The following SOHLH1 variants were observed in gnomAD, a reference collection of about 807,000 sequenced individuals.
SOHLH1 encodes spermatogenesis and oogenesis specific basic helix-loop-helix 1.
In SOHLH1, 23 loss-of-function variants were observed where a neutral mutation model predicts 36.2. That is an observed-to-expected ratio of 0.64 (90% CI 0.46 to 0.90). The LOEUF (loss-of-function observed/expected upper bound fraction) is 0.90. Ranked by LOEUF, SOHLH1 falls within the 40% of genes least tolerant of loss-of-function variation. The pLI is 0.00. For missense variants in SOHLH1, 608 were observed against 517.0 expected (o/e 1.18, Z -1.71); for synonymous variants, 289 against 228.3 (o/e 1.27, Z -2.40).
In SOHLH1 at chr9:135,697,556, C is replaced by T. The variant is rs771180035; in HGVS notation, c.417G>A (p.Gln139=). ...EDVLQLTLSS[Q]IQAGVPDPGT... is the part of the protein sequence containing the mutation. ...CAGGGTCTGGCACACCTGCTTGAAT[C>T]TGACTCGACAACGTCAACTGTAAAA... The change falls in exon 4 of 8, where the codon CAG becomes CAA. Residue 139 remains glutamine (Q), a synonymous_variant. Transcript: ENST00000425225. 5.0e-6 allele frequency: 8 copies of T among 1,612,656 alleles called. No individual in the cohort carries two copies. In the African/African-American group the frequency reaches 5.3e-5, roughly 11 times the overall value.
chr9:135,698,204 C>G, intron 3 of SOHLH1, 125 bp downstream of exon 3: 2 of 1,364,476 alleles, frequency 1.5e-6, no homozygotes, highest in Non-Finnish European at 2.1e-6. Flanking sequence ...GTGGCCTGCT[C>G]TAGCCGTGGA....
chr9:135,697,913 A>G (rs1405607535), intron 3 of SOHLH1, among the ~76,000 whole-genome samples: 1 of 152,026 alleles, frequency 6.6e-6, no homozygotes, highest in Admixed American at 6.5e-5. Context: ...ACAGGTCCTC[A>G]GCCCCAGCAC....
In SOHLH1 at chr9:135,696,794, A is replaced by C; in HGVS notation, c.479T>G (p.Val160Gly). The C allele has an allele frequency of 6.2e-7, 1 of 1,612,954 alleles. No homozygotes were observed. Among genetic ancestry groups the C allele is most frequent in the Non-Finnish European group, 8.5e-7 (1 of 1,179,980 alleles). ...GASSGTRTPD[V>G]KAFLESPWSL... The stretch of plus-strand genomic sequence containing the variant: ...CCAAGGACTTTCCAGAAACGCCTTC[A>C]CATCTGGGGTTCTAGAAGGAGCAAC... Residue 160 changes from valine to glycine, a missense_variant, in exon 5 of 8, where the codon GTG becomes GGG. Val to Gly is a moderately radical substitution (Grantham distance 109). Coordinates refer to ENST00000425225, the MANE Select transcript of SOHLH1 (RefSeq NM_001101677.2).
At chr9:135,698,027 T>C (rs1394764420) in intron 3 of SOHLH1, among the ~76,000 whole-genome samples, 21 of 151,602 alleles carry the variant, frequency 1.4e-4, no homozygotes, top group Non-Finnish European at 1.6e-4. Context: ...CCAGGGAGGA[T>C]CAGGAGACCC....
At chr9:135,699,545 C>T (rs2131299351), upstream of SOHLH1, 2 of 1,477,840 alleles carry the variant, frequency 1.4e-6, no homozygotes, top group Middle Eastern at 2.0e-4. Flanking sequence ...GTGCTCTGCC[C>T]ACCTGCCACG....
At position 135,699,474 on chromosome 9, in the gene SOHLH1, G is replaced by A. The variant is rs762325674; in HGVS notation, c.-7C>T. 7.4e-6 allele frequency: 12 copies of A among 1,611,592 alleles called. No individual in the cohort carries two copies. The South Asian group carries it at 9.9e-5, about 13-fold the overall frequency. On this transcript the variant is annotated 5_prime_UTR_variant, in exon 1 of 8. Coordinates refer to ENST00000425225, the MANE Select transcript of SOHLH1 (RefSeq NM_001101677.2). ...CGGAGCACCGGGACGCCATGAACTC[G>A]CAGCTGCGGAGCGACCCCACGCGCA...
At chr9:135,697,711 G>A (rs966056922) in intron 3 of SOHLH1, 84 bp from the exon 4 acceptor site, 3 of 1,510,878 alleles carry the variant, frequency 2.0e-6, no homozygotes, top group East Asian at 2.5e-5. Context: ...TGCTACCCCA[G>A]GGCCTGGAGG....
chr9:135,700,003 C>A (rs1400554363), upstream of SOHLH1, among the ~76,000 whole-genome samples: 1 of 152,094 alleles, frequency 6.6e-6, no homozygotes, highest in Admixed American at 6.5e-5. Context: ...CGCTTGCAGA[C>A]GCTGCGCCTC....
intron 3 of SOHLH1, 97 bp downstream of exon 3, chr9:135,698,232 G>A: frequency 6.4e-7 from 1 of 1,552,464 alleles, no homozygotes; most frequent in African/African-American, 1.4e-5. Flanking sequence ...AGGGCTGAAG[G>A]AGACGGGGAT....
At chr9:135,693,844 C>T in intron 7 of SOHLH1, 30 bp from the exon 8 acceptor site, 2 of 1,529,310 alleles carry the variant, frequency 1.3e-6, no homozygotes, top group Non-Finnish European at 1.8e-6. Flanking sequence ...ATCGGCAGGG[C>T]AGGCAGGTGC....
At position 135,693,776 on chromosome 9, in the gene SOHLH1, C is replaced by G. The variant is rs1160844516; in HGVS notation, c.985G>C (p.Ala329Pro). The change falls in exon 8 of 8, where the codon GCC becomes CCC. Residue 329 changes from alanine (A) to proline (P), a missense_variant. Transcript: ENST00000425225. Reference protein sequence around the residue: ...EGRGGSGPAWAPAESSPLDVG... With the variant: ...EGRGGSGPAWPPAESSPLDVG... ...TCCAGTGGACTGCTCTCAGCTGGGG[C>G]CCATGCAGGGCCACTGCCTCCTCGA... is the stretch of plus-strand genomic sequence containing the variant. The G allele has an allele frequency of 6.3e-7, 1 of 1,581,744 alleles. No homozygotes were observed. The highest frequency in any genetic ancestry group is 1.3e-5 in the African/African-American group (1 of 74,192).
At chr9:135,695,596 C>T (rs760275434) in intron 5 of SOHLH1, among the ~76,000 whole-genome samples, 1 of 152,138 alleles carries the variant, frequency 6.6e-6, no homozygotes, top group Non-Finnish European at 1.5e-5. Flanking sequence ...CTCAGACCTG[C>T]TCGCTCCCCA....
chr9:135,698,019 A>G (rs1834877802), intron 3 of SOHLH1, among the ~76,000 whole-genome samples: 1 of 152,132 alleles, frequency 6.6e-6, no homozygotes, highest in Non-Finnish European at 1.5e-5. Flanking sequence ...GTGCTCAGCC[A>G]GGGAGGATCA....
rs1588235674 is a variant in SOHLH1, at chr9:135,699,206, C to T, written c.66-80G>A. The stretch of plus-strand genomic sequence containing the variant: ...GAGTCCCAGATGCCAGAATGGGCGT[C>T]TTTGGGGTGCGGGTGGAAGCCAAGA... On this transcript the variant is annotated intron_variant, in intron 1 of 7. Coordinates refer to ENST00000425225, the MANE Select transcript of SOHLH1 (RefSeq NM_001101677.2). 1.9e-5 allele frequency: 29 copies of T among 1,545,212 alleles called. No homozygotes were observed. In the East Asian group the frequency reaches 7.1e-4, roughly 38 times the overall value.
upstream of SOHLH1, chr9:135,699,632 G>T: frequency 1.4e-6 from 1 of 731,446 alleles, no homozygotes; most frequent in Non-Finnish European, 2.3e-6. Context: ...TCCCCACGCA[G>T]CCAGCCCGGG....
chr9:135,698,236 C>G, intron 3 of SOHLH1, 93 bp downstream of exon 3: 5 of 1,564,122 alleles, frequency 3.2e-6, no homozygotes, highest in South Asian at 2.2e-5. Context: ...CTGAAGGAGA[C>G]GGGGATGACA....
chr9:135,693,474 G>T lies in SOHLH1; in HGVS notation c.*123C>A. On this transcript the variant is annotated 3_prime_UTR_variant, in exon 8 of 8. Transcript: ENST00000425225. Reference sequence around the variant, plus strand: ...ACTATCCTCTTCTCACAGCCTGTAAGCCTCGCTCAAATTAGGGTGCAGCTG... The same window carrying T: ...ACTATCCTCTTCTCACAGCCTGTAATCCTCGCTCAAATTAGGGTGCAGCTG... 4 of 1,316,912 alleles carry T rather than the reference G, an allele frequency of 3.0e-6. No homozygotes were observed. The Middle Eastern group carries it at 8.2e-4, about 271-fold the overall frequency. The allele number at this position is 1,316,912 out of a possible 1,614,324, so 81.6% of individuals were successfully genotyped here.
At chr9:135,697,710 A>AG in intron 3 of SOHLH1, 83 bp from the exon 4 acceptor site, 1 of 1,508,328 alleles carries the variant, frequency 6.6e-7, no homozygotes, top group East Asian at 2.5e-5. Flanking sequence ...CTGCTACCCC[A>AG]GGGCCTGGAG....
chr9:135,698,783 C>G (rs888562897), intron 2 of SOHLH1, among the ~76,000 whole-genome samples: 1 of 152,242 alleles, frequency 6.6e-6, no homozygotes, highest in Admixed American at 6.5e-5. Context: ...TGCACAGCCT[C>G]AAGAGGCCAA....
Sources: gnomAD v4.1 joint callset for allele counts (sites outside exome capture counted in the v4.1 genomes callset) on GRCh38, gnomAD v4.1.1 for gene constraint, MANE v1.5 for transcripts, NCBI Gene and HGNC (gene_info 2026-07-23, HGNC 2026-07-21) for gene names.